SPOCK1: variants seen among roughly 807,000 people sequenced by gnomAD.
SPOCK1 encodes the protein SPARC (osteonectin), cwcv and kazal like domains proteoglycan 1, also known as testican-1.
A neutral mutation model predicts 55.3 loss-of-function variants in SPOCK1; 23 were observed. The ratio of observed to expected loss-of-function variants is 0.42; its 90% CI spans 0.30 to 0.59. The LOEUF (loss-of-function observed/expected upper bound fraction) is 0.59, where lower values mean the gene tolerates loss of function less well. Ranked by LOEUF, SPOCK1 falls within the 20% of genes least tolerant of loss-of-function variation. The probability of loss-of-function intolerance (pLI) is 0.22; values close to 1 mark genes in which losing one functional copy is unlikely to be tolerated. For synonymous variants in SPOCK1, 226 were observed against 221.0 expected, an observed-to-expected ratio of 1.02 and a Z score of -0.20; for missense variants, 499 against 552.5, an observed-to-expected ratio of 0.90 and a Z score of 0.97.
At chr5:136,991,504 A>C (rs542756256) in intron 7 of SPOCK1, among the ~76,000 whole-genome samples, 88 of 152,300 alleles carry the variant, frequency 5.8e-4, no homozygotes, top group African/African-American at 2.0e-3. Context: ...GGATCTCAAC[A>C]GTTGCTACTC....
intron 6 of SPOCK1, among the ~76,000 whole-genome samples, chr5:137,008,503 CAAT>C (rs1751293886): frequency 6.6e-6 from 1 of 152,072 alleles, no homozygotes; most frequent in Non-Finnish European, 1.5e-5. Context: ...ACTGTGCTAT[CAAT>C]AATAAATACT....
At chr5:137,430,349 T>C (rs938734241) in intron 2 of SPOCK1, among the ~76,000 whole-genome samples, 1 of 152,214 alleles carries the variant, frequency 6.6e-6, no homozygotes, top group Non-Finnish European at 1.5e-5. Context: ...ACTCCGCAAT[T>C]CACAGACAGC....
At chr5:137,398,546 A>T (rs1751904772) in intron 2 of SPOCK1, among the ~76,000 whole-genome samples, 1 of 152,198 alleles carries the variant, frequency 6.6e-6, no homozygotes, top group African/African-American at 2.4e-5. Context: ...TTCTGATAGG[A>T]TATGCAGAAC....
chr5:137,068,866 C>G (rs1027364278), intron 5 of SPOCK1, among the ~76,000 whole-genome samples: 1 of 152,128 alleles, frequency 6.6e-6, no homozygotes, highest in Non-Finnish European at 1.5e-5. Context: ...CTGTAAATTT[C>G]TCAAGATCAA....
intron 2 of SPOCK1, among the ~76,000 whole-genome samples, chr5:137,441,907 C>A (rs541912921): frequency 3.3e-5 from 5 of 152,328 alleles, no homozygotes; most frequent in East Asian, 1.9e-4. Context: ...GAACCCCCAA[C>A]AGAGCCAGAA....
At chr5:137,366,754 C>T (rs539368668) in intron 2 of SPOCK1, among the ~76,000 whole-genome samples, 6 of 152,260 alleles carry the variant, frequency 3.9e-5, no homozygotes, top group East Asian at 3.9e-4. Context: ...AAAACAGATG[C>T]GGCAAGGGAG....
intron 2 of SPOCK1, among the ~76,000 whole-genome samples, chr5:137,289,895 A>G (rs1757336368): frequency 2.0e-5 from 3 of 152,228 alleles, no homozygotes; most frequent in Admixed American, 2.0e-4. Context: ...TAGGATACCC[A>G]TAGGCCAAAA....
intron 2 of SPOCK1, among the ~76,000 whole-genome samples, chr5:137,480,341 A>ACTCATT (rs1226343988): frequency 2.8e-5 from 4 of 143,170 alleles, no homozygotes; most frequent in African/African-American, 1.0e-4. Flanking sequence ...ACACACACAC[A>ACTCATT]CACTCATTCA....
At chr5:136,984,064 C>A (rs1439719141) in intron 9 of SPOCK1, among the ~76,000 whole-genome samples, 1 of 151,922 alleles carries the variant, frequency 6.6e-6, no homozygotes, top group Non-Finnish European at 1.5e-5. Context: ...AGTCTTTGCA[C>A]TAGAAAATCC....
At chr5:137,241,167 A>C (rs1422461431) in intron 3 of SPOCK1, among the ~76,000 whole-genome samples, 2 of 152,212 alleles carry the variant, frequency 1.3e-5, no homozygotes, top group Non-Finnish European at 1.5e-5. Context: ...AAAATCTCTT[A>C]TTAACCTCAA....
At chr5:137,305,764 G>T (rs1317449202) in intron 2 of SPOCK1, among the ~76,000 whole-genome samples, 1 of 152,196 alleles carries the variant, frequency 6.6e-6, no homozygotes, top group African/African-American at 2.4e-5. Context: ...AAGGCAGCCA[G>T]AGTTCCCCTG....
At chr5:137,165,070 A>T (rs1754621898) in intron 3 of SPOCK1, among the ~76,000 whole-genome samples, 1 of 152,158 alleles carries the variant, frequency 6.6e-6, no homozygotes, top group Non-Finnish European at 1.5e-5. Context: ...CTTTGAGCAA[A>T]CATAAGCCAT....
At chr5:136,992,190 A>C (rs1055266880) in intron 7 of SPOCK1, among the ~76,000 whole-genome samples, 4 of 152,228 alleles carry the variant, frequency 2.6e-5, no homozygotes, top group Admixed American at 1.3e-4. Flanking sequence ...TCTGGAAAGT[A>C]TGATCCAAAC....
chr5:137,330,549 T>A (rs1285251267), intron 2 of SPOCK1, among the ~76,000 whole-genome samples: 1 of 152,266 alleles, frequency 6.6e-6, no homozygotes, highest in African/African-American at 2.4e-5. Context: ...AATGCAAGGC[T>A]GATACTTAGG....
intron 2 of SPOCK1, among the ~76,000 whole-genome samples, chr5:137,475,950 T>C (rs1561545620): frequency 6.6e-6 from 1 of 152,152 alleles, no homozygotes; most frequent in East Asian, 1.9e-4. Flanking sequence ...TTCATTATAT[T>C]TTATGTTTAA....
At chr5:137,183,531 T>C (rs1755009109) in intron 3 of SPOCK1, among the ~76,000 whole-genome samples, 1 of 152,188 alleles carries the variant, frequency 6.6e-6, no homozygotes, top group Admixed American at 6.5e-5. Context: ...TATCTCACCT[T>C]CTGAAATTAG....
chr5:137,011,022 T>C (rs1046141505), intron 6 of SPOCK1, among the ~76,000 whole-genome samples: 7 of 152,172 alleles, frequency 4.6e-5, no homozygotes, highest in African/African-American at 1.4e-4. Flanking sequence ...TTTATCTGTG[T>C]CTCCACAAGC....
rs144617495 is a variant in SPOCK1 at position 137,480,355 on chromosome 5, G to A, written c.186+18018C>T. ...CACACACACACACACTCATTCACTT[G>A]TATTACTGAAATAATTTCCAAAAGA... is the stretch of plus-strand genomic sequence containing the variant. On this transcript the variant is annotated intron_variant, in intron 2 of 10. Coordinates refer to ENST00000394945, the MANE Select transcript of SPOCK1 (RefSeq NM_004598.4). Among the ~76,000 whole-genome samples, 159 of 143,020 alleles carry A rather than the reference G, an allele frequency of 1.1e-3. 1 individual carries two copies. The East Asian group carries it at 0.028, about 25-fold the overall frequency. The allele number at this position is 143,020 out of a possible 152,430, so 93.8% of individuals were successfully genotyped here.
chr5:137,322,054 A>G (rs1354425321), intron 2 of SPOCK1, among the ~76,000 whole-genome samples: 1 of 152,152 alleles, frequency 6.6e-6, no homozygotes, highest in Non-Finnish European at 1.5e-5. Flanking sequence ...ATGCTAAAAA[A>G]CACTGGTCAG....
Sources: allele counts gnomAD v4.1 joint callset (sites outside exome capture counted in the v4.1 genomes callset), GRCh38; gene constraint gnomAD v4.1.1; transcripts MANE v1.5; gene names NCBI Gene and HGNC (gene_info 2026-07-23, HGNC 2026-07-21).